The following DOCK1 variants were observed in gnomAD, a reference collection of about 807,000 sequenced individuals.
DOCK1 encodes dedicator of cytokinesis 1, also known as dedicator of cytokinesis protein 1.
A neutral mutation model predicts 262.7 loss-of-function variants in DOCK1; 138 were observed. The observed-to-expected ratio is 0.53, with a 90% CI of 0.46 to 0.61. The LOEUF (loss-of-function observed/expected upper bound fraction) is 0.61. Ranked by LOEUF, DOCK1 falls within the 20% of genes least tolerant of loss-of-function variation. The pLI is 0.00. For synonymous variants in DOCK1, 866 were observed against 867.4 expected (o/e 1.00, Z 0.03); for missense variants, 1,908 against 2,370.7 (o/e 0.80, Z 4.05).
rs2069905640 is a variant in DOCK1 at position 127,439,231 on chromosome 10, C to A, written c.5259+6C>A. On this transcript the variant is annotated splice_donor_region_variant and intron_variant, in intron 49 of 51. Coordinates refer to ENST00000623213, the MANE Select transcript of DOCK1 (RefSeq NM_001290223.2). ...CTGTGATCCTTTCGGAAACGGTAACCCGACAGGGTATCTTTCCTCGCTCTG... is the reference window on the plus strand; with the variant it reads ...CTGTGATCCTTTCGGAAACGGTAACACGACAGGGTATCTTTCCTCGCTCTG... 2 of 1,605,392 alleles carry A rather than the reference C, an allele frequency of 1.2e-6. No individual in the cohort carries two copies. The highest frequency in any genetic ancestry group is 4.5e-5 in the East Asian group (2 of 44,650).
At chr10:127,187,297 AG>A (rs1274152488) in intron 27 of DOCK1, among the ~76,000 whole-genome samples, 1 of 152,256 alleles carries the variant, frequency 6.6e-6, no homozygotes, top group Non-Finnish European at 1.5e-5. Context: ...GAAAGAGAAC[AG>A]TAGCAAAAGC....
At chr10:127,387,219 T>C (rs935064367) in intron 38 of DOCK1, among the ~76,000 whole-genome samples, 2 of 152,234 alleles carry the variant, frequency 1.3e-5, no homozygotes, top group African/African-American at 4.8e-5. Context: ...TCCCTTGCCC[T>C]CTGCATTCCA....
chr10:127,147,978 C>T (rs1409922625), intron 27 of DOCK1, among the ~76,000 whole-genome samples: 2 of 136,434 alleles, frequency 1.5e-5, no homozygotes. Context: ...GTGCAGTGAG[C>T]CGAGATTGCA....
At chr10:127,289,763 A>C (rs538767585) in intron 29 of DOCK1, among the ~76,000 whole-genome samples, 103 of 152,156 alleles carry the variant, frequency 6.8e-4, no homozygotes, top group Non-Finnish European at 7.5e-4. Context: ...ATTCTCAGAC[A>C]GTATCTCCGT....
intron 27 of DOCK1, among the ~76,000 whole-genome samples, chr10:127,219,215 T>TGG (rs1234085635): frequency 6.6e-6 from 1 of 152,200 alleles, no homozygotes; most frequent in African/African-American, 2.4e-5. Context: ...AAATTCATCT[T>TGG]GGGTGGAAGT....
At chr10:127,261,613 G>A (rs548447207) in intron 29 of DOCK1, among the ~76,000 whole-genome samples, 6 of 116,486 alleles carry the variant, frequency 5.2e-5, no homozygotes, top group East Asian at 2.7e-4. Context: ...GCATGTACCC[G>A]TGCTCATCTG....
chr10:127,029,179 G>A (rs1448234454), intron 16 of DOCK1, among the ~76,000 whole-genome samples: 1 of 152,248 alleles, frequency 6.6e-6, no homozygotes, highest in Non-Finnish European at 1.5e-5. Context: ...CGTGGCCACA[G>A]CTTGTGGGAT....
intron 5 of DOCK1, among the ~76,000 whole-genome samples, chr10:126,990,054 G>A (rs562297478): frequency 1.3e-5 from 2 of 152,244 alleles, no homozygotes; most frequent in South Asian, 4.2e-4. Flanking sequence ...ACCGTATGTA[G>A]GTTGTAGGAT....
chr10:127,035,986 A>C (rs1307054513), intron 18 of DOCK1, among the ~76,000 whole-genome samples: 1 of 150,292 alleles, frequency 6.7e-6, no homozygotes, highest in Non-Finnish European at 1.5e-5. Context: ...TGTATGACAG[A>C]GTGAGACCCT....
At position 127,041,860 on chromosome 10, in the gene DOCK1, C is replaced by T. The variant is rs115252718; in HGVS notation, c.2011-765C>T. Among the ~76,000 whole-genome samples the T allele has an allele frequency of 5.4e-3, 817 of 152,192 alleles. 7 individuals are homozygous for T. Among genetic ancestry groups the T allele is most frequent in the African/African-American group, 0.019 (773 of 41,518 alleles). ...TTATGGCCAGTATTTCGTTGTGTGG[C>T]GTTCTGCCTCTTCTTGACCTTCTCT... is the stretch of plus-strand genomic sequence containing the variant. On this transcript the variant is annotated intron_variant, in intron 19 of 51. Transcript: ENST00000623213.
chr10:127,115,394 A>G (rs1437125456), intron 25 of DOCK1, among the ~76,000 whole-genome samples: 1 of 152,190 alleles, frequency 6.6e-6, no homozygotes, highest in East Asian at 1.9e-4. Context: ...AAGCTGGTTG[A>G]TAGATTACAT....
At chr10:127,201,510 C>T (rs2057458657) in intron 27 of DOCK1, among the ~76,000 whole-genome samples, 1 of 152,188 alleles carries the variant, frequency 6.6e-6, no homozygotes, top group South Asian at 2.1e-4. Context: ...TCGTTGAGAT[C>T]CCTGGCTTTC....
chr10:127,147,366 C>T (rs1472527304), intron 27 of DOCK1, among the ~76,000 whole-genome samples: 1 of 152,082 alleles, frequency 6.6e-6, no homozygotes, highest in East Asian at 1.9e-4. Flanking sequence ...AGAGGCCATC[C>T]AAATCCTCCC....
intron 1 of DOCK1, among the ~76,000 whole-genome samples, chr10:126,922,255 C>T (rs986679093): frequency 6.8e-6 from 1 of 147,266 alleles, no homozygotes; most frequent in African/African-American, 2.5e-5. Context: ...ATAATTGGCT[C>T]ATGTTTCTGT....
At chr10:127,421,575 G>A (rs2134500698) in intron 46 of DOCK1, among the ~76,000 whole-genome samples, 1 of 152,250 alleles carries the variant, frequency 6.6e-6, no homozygotes, top group Non-Finnish European at 1.5e-5. Context: ...CATCTCCAGA[G>A]CCTTGTCATC....
rs551638721 is a variant in DOCK1, at chr10:126,997,898, G to A, written c.610-194G>A. ...AATACTCAGCACAGCAGTTGCACAGGATACAATTTTTTGTCTGTTGTGTGA... is the reference window on the plus strand; with the variant it reads ...AATACTCAGCACAGCAGTTGCACAGAATACAATTTTTTGTCTGTTGTGTGA... On this transcript the variant is annotated intron_variant, in intron 7 of 51. Coordinates refer to ENST00000623213, the MANE Select transcript of DOCK1 (RefSeq NM_001290223.2). The A allele has an allele frequency of 4.7e-6, 3 of 644,104 alleles. No individual in the cohort carries two copies. In the South Asian group the frequency reaches 6.7e-5, roughly 14 times the overall value. The allele number at this position is 644,104 out of a possible 1,614,324, so 39.9% of individuals were successfully genotyped here.
At position 127,439,254 on chromosome 10, in the gene DOCK1, C is replaced by G. The variant is rs555488929; in HGVS notation, c.5259+29C>G. On this transcript the variant is annotated intron_variant, in intron 49 of 51. Transcript: ENST00000623213. ...ACCCGACAGGGTATCTTTCCTCGCT[C>G]TGCGGTAGCTTCAGGGACCTACCTT... 3.2e-6 allele frequency: 5 copies of G among 1,585,200 alleles called. No homozygotes were observed. In the African/African-American group the frequency reaches 5.4e-5, roughly 17 times the overall value.
intron 1 of DOCK1, among the ~76,000 whole-genome samples, chr10:126,965,927 T>C (rs1222507759): frequency 5.9e-5 from 9 of 152,308 alleles, no homozygotes; most frequent in African/African-American, 2.2e-4. Flanking sequence ...TGGTTAACTA[T>C]AGTCATCCTA....
In DOCK1 at chr10:127,242,932, TG is replaced by T. The variant is rs377183504; in HGVS notation, c.2848-5075del. ...TCCACACTCGTCACTCCTGTGTCTC[TG>T]TTTACAGCTCCAACAGCTTCTGAGG... On this transcript the variant is annotated intron_variant, in intron 27 of 51. Coordinates refer to ENST00000623213, the MANE Select transcript of DOCK1 (RefSeq NM_001290223.2). Among the ~76,000 whole-genome samples, 796 of 152,274 alleles carry T rather than the reference TG, an allele frequency of 5.2e-3. 11 individuals carry two copies. Among genetic ancestry groups the T allele is most frequent in the African/African-American group, 0.018 (752 of 41,550 alleles).
Sources: allele counts gnomAD v4.1 joint callset (sites outside exome capture counted in the v4.1 genomes callset), GRCh38; gene constraint gnomAD v4.1.1; transcripts MANE v1.5; gene names NCBI Gene and HGNC (gene_info 2026-07-23, HGNC 2026-07-21).